The following SLMAP variants were observed in gnomAD, a reference collection of about 807,000 sequenced individuals.
The protein encoded by SLMAP is sarcolemmal membrane-associated protein.
SLMAP carries 44 observed loss-of-function variants against 128.8 expected under a neutral mutation model. The ratio of observed to expected loss-of-function variants is 0.34; its 90% CI spans 0.27 to 0.44. SLMAP has a LOEUF of 0.44. SLMAP is among the 20% of genes least tolerant of loss of function. The pLI is 1.00. For synonymous variants in SLMAP, 327 were observed against 348.8 expected (o/e 0.94, Z 0.70); for missense variants, 787 against 985.3 (o/e 0.80, Z 2.69).
intron 2 of SLMAP, among the ~76,000 whole-genome samples, chr3:57,829,461 G>T (rs1311121380): frequency 6.6e-6 from 1 of 150,730 alleles, no homozygotes; most frequent in African/African-American, 2.4e-5. Context: ...CATTTCCCAA[G>T]AATATATTTA....
intron 4 of SLMAP, among the ~76,000 whole-genome samples, chr3:57,845,797 A>C (rs1042440961): frequency 6.6e-6 from 1 of 151,956 alleles, no homozygotes; most frequent in Non-Finnish European, 1.5e-5. Flanking sequence ...AATACATTTA[A>C]TATCCCCAAT....
chr3:57,892,875 G>A (rs12635031), intron 15 of SLMAP, among the ~76,000 whole-genome samples: 21 of 135,254 alleles, frequency 1.6e-4, no homozygotes, highest in Non-Finnish European at 2.1e-4. Context: ...GCTCTGTTGC[G>A]CAGGCTGGAG....
chr3:57,772,423 T>C (rs1033772066), intron 2 of SLMAP, among the ~76,000 whole-genome samples: 5 of 152,204 alleles, frequency 3.3e-5, no homozygotes, highest in Admixed American at 1.3e-4. Flanking sequence ...GGGATTCAGT[T>C]TGGAAACCGA....
Position 57,772,119 on chromosome 3 carries a change from A to C in SLMAP, c.198+14270A>C, listed in dbSNP as rs142209146. Reference sequence around the variant, plus strand: ...AAAGAATTAAGGAAGAATTAAGAGCACTATGTGATCAAGATTGAGAAGGCT... The same window carrying C: ...AAAGAATTAAGGAAGAATTAAGAGCCCTATGTGATCAAGATTGAGAAGGCT... On this transcript the variant is annotated intron_variant, in intron 2 of 24. Coordinates refer to ENST00000671191, the MANE Select transcript of SLMAP (RefSeq NM_001377540.1). 1.1e-4 allele frequency among the ~76,000 whole-genome samples: 17 copies of C among 152,378 alleles called. No homozygotes were observed. The East Asian group carries it at 3.3e-3, about 29-fold the overall frequency.
At chr3:57,825,225 CTT>C (rs761581242) in intron 2 of SLMAP, among the ~76,000 whole-genome samples, 5 of 142,492 alleles carry the variant, frequency 3.5e-5, no homozygotes, top group Non-Finnish European at 3.1e-5. Context: ...ATTTCAATGC[CTT>C]TTTTTTTTTT....
intron 2 of SLMAP, among the ~76,000 whole-genome samples, chr3:57,773,044 A>G (rs1046468902): frequency 3.3e-5 from 5 of 152,210 alleles, no homozygotes; most frequent in Non-Finnish European, 7.3e-5. Context: ...AAAGGAAGCT[A>G]TAAACGACAG....
intron 14 of SLMAP, among the ~76,000 whole-genome samples, chr3:57,874,842 A>C (rs1575572704): frequency 6.6e-6 from 1 of 151,936 alleles, no homozygotes; most frequent in East Asian, 1.9e-4. Context: ...CTGGGCAACA[A>C]GAGCGAAACT....
chr3:57,836,921 G>A (rs2093666915), intron 3 of SLMAP, among the ~76,000 whole-genome samples: 1 of 152,128 alleles, frequency 6.6e-6, no homozygotes, highest in South Asian at 2.1e-4. Context: ...AAAGCTTGGG[G>A]CCAGTTAGTT....
chr3:57,890,265 GT>G, intron 15 of SLMAP, 165 bp downstream of exon 15: 1 of 545,416 alleles, frequency 1.8e-6, no homozygotes, highest in Non-Finnish European at 3.2e-6. Context: ...TCAGACTTCT[GT>G]TTTAAGAAGG....
chr3:57,905,433 C>T (rs1369651123), intron 17 of SLMAP, among the ~76,000 whole-genome samples: 2 of 152,042 alleles, frequency 1.3e-5, no homozygotes, highest in African/African-American at 2.4e-5. Context: ...AGGTGTGCAT[C>T]ACCAAACCCA....
At chr3:57,761,016 C>T (rs1477544981) in intron 2 of SLMAP, among the ~76,000 whole-genome samples, 6 of 150,918 alleles carry the variant, frequency 4.0e-5, no homozygotes, top group Middle Eastern at 3.5e-3. Context: ...CATGAGCCAC[C>T]GCGCCCGGCC....
intron 14 of SLMAP, among the ~76,000 whole-genome samples, chr3:57,877,298 A>G (rs563068391): frequency 2.0e-5 from 3 of 152,206 alleles, no homozygotes; most frequent in Non-Finnish European, 4.4e-5. Flanking sequence ...ATTTGGAGTA[A>G]TGCATTGAAT....
intron 2 of SLMAP, among the ~76,000 whole-genome samples, chr3:57,769,263 G>T (rs1339033357): frequency 1.3e-5 from 2 of 151,988 alleles, no homozygotes; most frequent in African/African-American, 4.8e-5. Flanking sequence ...CGCGATCTTG[G>T]CTCACTGCAA....
At chr3:57,803,674 CTTTT>C (rs1304186393) in intron 2 of SLMAP, among the ~76,000 whole-genome samples, 2 of 152,204 alleles carry the variant, frequency 1.3e-5, no homozygotes, top group Non-Finnish European at 2.9e-5. Flanking sequence ...TCTCCACTCT[CTTTT>C]TGTCTGTCTG....
chr3:57,879,709 G>A (rs1278264250), intron 14 of SLMAP, among the ~76,000 whole-genome samples: 1 of 152,134 alleles, frequency 6.6e-6, no homozygotes. Context: ...TTTGGAGGCC[G>A]AGGTGGGTGG....
In SLMAP at chr3:57,891,897, A is replaced by G. The variant is rs750956681; in HGVS notation, c.1360+1797A>G. The stretch of plus-strand genomic sequence containing the variant: ...CGGCCTGGGTTTTTAATCTTAAAGA[A>G]CAAATTGGACTAATGAGCAAGAATA... On this transcript the variant is annotated intron_variant, in intron 15 of 24. Coordinates refer to ENST00000671191, the MANE Select transcript of SLMAP (RefSeq NM_001377540.1). Among the ~76,000 whole-genome samples the G allele has an allele frequency of 3.9e-5, 6 of 152,052 alleles. No individual in the cohort carries two copies. In the South Asian group the frequency reaches 8.3e-4, roughly 21 times the overall value.
intron 4 of SLMAP, among the ~76,000 whole-genome samples, chr3:57,846,587 C>T (rs1293477185): frequency 7.1e-6 from 1 of 141,392 alleles, no homozygotes; most frequent in Non-Finnish European, 1.5e-5. Context: ...GACAGAGTCT[C>T]ACTTTGTCAC....
At chr3:57,781,849 C>G (rs1044261984) in intron 2 of SLMAP, among the ~76,000 whole-genome samples, 1 of 151,008 alleles carries the variant, frequency 6.6e-6, no homozygotes, top group Non-Finnish European at 1.5e-5. Context: ...TCTCCTTCCT[C>G]AGCCTCCCAA....
rs753655315 is a variant in SLMAP, at chr3:57,896,573, A to T, written c.1423A>T (p.Ser475Cys). The T allele has an allele frequency of 2.5e-6, 4 of 1,610,068 alleles. No individual in the cohort carries two copies. The highest frequency in any genetic ancestry group is 1.7e-5 in the Admixed American group (1 of 59,384). ...TACTCTGAGTCCAAGCAAGGAAAAAAGCAGTGACGACACTACAGGTGAGTT... is the reference window on the plus strand; with the variant it reads ...TACTCTGAGTCCAAGCAAGGAAAAATGCAGTGACGACACTACAGGTGAGTT... ...SDTLSPSKEKSSDDTTDAQMD... is the reference protein window; with the variant it reads ...SDTLSPSKEKCSDDTTDAQMD... The change falls in exon 16 of 25, where the codon AGC (serine) becomes TGC (cysteine). Residue 475 changes from serine (S) to cysteine (C), a missense_variant. Around this residue, in one of 2 missense-constraint regions of SLMAP, gnomAD observed 715 missense variants for 843.6 expected, o/e 0.85. Transcript: ENST00000671191.
Sources: allele counts gnomAD v4.1 joint callset (sites outside exome capture counted in the v4.1 genomes callset), GRCh38; gene constraint gnomAD v4.1.1; regional missense constraint gnomAD v4.1.1; transcripts MANE v1.5; gene names NCBI Gene and HGNC (gene_info 2026-07-23, HGNC 2026-07-21).